Variants in TRPM3 observed in about 807,000 individuals in gnomAD.
TRPM3 encodes long transient receptor potential channel 3.
TRPM3 carries 77 observed loss-of-function variants against 181.2 expected under a neutral mutation model. The observed-to-expected ratio is 0.42, with a 90% confidence interval of 0.35 to 0.51. The LOEUF is 0.51. TRPM3 is among the 20% of genes least tolerant of loss of function. The pLI, the probability that TRPM3 is intolerant of heterozygous loss-of-function variation, is 0.01. For synonymous variants in TRPM3, 745 were observed against 796.4 expected (o/e 0.94, Z 1.09); for missense variants, 1,759 against 2,196.7 (o/e 0.80, Z 3.98).
At chr9:71,348,157 C>A (rs1207156560) in intron 1 of TRPM3, among the ~76,000 whole-genome samples, 1 of 152,142 alleles carries the variant, frequency 6.6e-6, no homozygotes, top group Non-Finnish European at 1.5e-5. Context: ...TTAAAAGTTA[C>A]ACATACACAG....
chr9:71,274,418 C>A (rs778828327), intron 1 of TRPM3, among the ~76,000 whole-genome samples: 3 of 152,178 alleles, frequency 2.0e-5, no homozygotes, highest in Non-Finnish European at 4.4e-5. Flanking sequence ...ATAATTTACA[C>A]ATACCTATTA....
intron 19 of TRPM3, among the ~76,000 whole-genome samples, chr9:70,608,124 T>C (rs1298552161): frequency 6.6e-6 from 1 of 152,220 alleles, no homozygotes; most frequent in East Asian, 1.9e-4. Flanking sequence ...TTTCTGTACC[T>C]CACTTCCGTT....
rs564957400 is a variant in TRPM3 at position 70,538,304 on chromosome 9, T to A, written c.3708-899A>T. 5.3e-5 allele frequency among the ~76,000 whole-genome samples: 8 copies of A among 152,156 alleles called. No individual in the cohort carries two copies. In the East Asian group the frequency reaches 1.3e-3, roughly 26 times the overall value. On this transcript the variant is annotated intron_variant, in intron 25 of 25. Coordinates refer to ENST00000677713, the MANE Select transcript of TRPM3 (RefSeq NM_001366145.2). Reference sequence around the variant, plus strand: ...CTTTTTAAAATTAAATTAAATTAACTTTTTTAGAGATGGGGGGGGTCTCAC... The same window carrying A: ...CTTTTTAAAATTAAATTAAATTAACATTTTTAGAGATGGGGGGGGTCTCAC...
chr9:70,544,564 A>G (rs2044356260), intron 25 of TRPM3, among the ~76,000 whole-genome samples: 1 of 152,152 alleles, frequency 6.6e-6, no homozygotes, highest in African/African-American at 2.4e-5. Context: ...GGAGTCATGC[A>G]GTGGTCCTCT....
intron 1 of TRPM3, among the ~76,000 whole-genome samples, chr9:71,186,696 T>C (rs1480781538): frequency 1.3e-5 from 2 of 152,096 alleles, no homozygotes; most frequent in African/African-American, 2.4e-5. Context: ...TTAGAAACAA[T>C]GTATAGAAAG....
chr9:71,229,813 A>G (rs552837359), intron 1 of TRPM3, among the ~76,000 whole-genome samples: 1 of 152,156 alleles, frequency 6.6e-6, no homozygotes, highest in Non-Finnish European at 1.5e-5. Flanking sequence ...GGAGTACAGG[A>G]AACCCTTGTA....
chr9:71,148,807 A>G (rs931496950), intron 1 of TRPM3, among the ~76,000 whole-genome samples: 1 of 152,200 alleles, frequency 6.6e-6, no homozygotes, highest in Non-Finnish European at 1.5e-5. Flanking sequence ...GGCAGTGGCC[A>G]TTGAAGCCAT....
intron 1 of TRPM3, among the ~76,000 whole-genome samples, chr9:71,300,107 T>C (rs1473180853): frequency 6.6e-6 from 1 of 152,134 alleles, no homozygotes; most frequent in East Asian, 1.9e-4. Context: ...ACTGACACTG[T>C]TCCTTATTTC....
chr9:71,004,518 A>T (rs774589454), intron 1 of TRPM3, among the ~76,000 whole-genome samples: 1 of 152,262 alleles, frequency 6.6e-6, no homozygotes, highest in African/African-American at 2.4e-5. Flanking sequence ...TGGAACAGGC[A>T]AATGGGGGAG....
rs1358622992 is a variant in TRPM3 at position 70,530,995 on chromosome 9, C to G, written c.*4958G>C. On this transcript the variant is annotated 3_prime_UTR_variant, in exon 26 of 26. Coordinates refer to ENST00000677713, the MANE Select transcript of TRPM3 (RefSeq NM_001366145.2). Reference sequence around the variant, plus strand: ...ACACCCAAACACACGCCTCCCACCCCCAAGGTGAAGAAGCCACAAGACAAG... The same window carrying G: ...ACACCCAAACACACGCCTCCCACCCGCAAGGTGAAGAAGCCACAAGACAAG... 1.3e-5 allele frequency: 2 copies of G among 152,206 alleles called. No homozygotes were observed. Among genetic ancestry groups the G allele is most frequent in the East Asian group, 3.9e-4 (2 of 5,192 alleles). The allele number at this position is 152,206 out of a possible 1,614,324, so 9.4% of individuals were successfully genotyped here.
intron 1 of TRPM3, among the ~76,000 whole-genome samples, chr9:71,143,392 A>G (rs1292118795): frequency 6.6e-6 from 1 of 151,944 alleles, no homozygotes; most frequent in Admixed American, 6.6e-5. Context: ...CTACGTGTCC[A>G]TGTGTTTTCA....
At chr9:71,060,958 G>A (rs1456502660) in intron 1 of TRPM3, among the ~76,000 whole-genome samples, 1 of 152,074 alleles carries the variant, frequency 6.6e-6, no homozygotes, top group African/African-American at 2.4e-5. Context: ...TGCTGAGGAG[G>A]AGAAAAGCAG....
intron 1 of TRPM3, among the ~76,000 whole-genome samples, chr9:70,960,709 T>C (rs1047743256): frequency 5.3e-5 from 8 of 152,144 alleles, no homozygotes; most frequent in Admixed American, 5.2e-4. Context: ...GTGGGTACTT[T>C]CTCGTTCTCA....
chr9:71,007,532 A>G (rs998326380), intron 1 of TRPM3, among the ~76,000 whole-genome samples: 3 of 152,198 alleles, frequency 2.0e-5, no homozygotes, highest in African/African-American at 7.2e-5. Flanking sequence ...TTTGCTGACC[A>G]CATGGAATAA....
chr9:71,056,699 G>C (rs1451115260), intron 1 of TRPM3, among the ~76,000 whole-genome samples: 2 of 152,040 alleles, frequency 1.3e-5, no homozygotes, highest in African/African-American at 4.8e-5. Flanking sequence ...AAGACTATAA[G>C]ACATAGAGAG....
intron 1 of TRPM3, among the ~76,000 whole-genome samples, chr9:71,313,867 GA>G (rs1292627369): frequency 2.0e-5 from 3 of 152,098 alleles, no homozygotes; most frequent in African/African-American, 7.2e-5. Context: ...TGAAGCAGAA[GA>G]AAACATCAGC....
chr9:71,399,029 T>C (rs2309901), intron 1 of TRPM3, among the ~76,000 whole-genome samples: 150,661 of 152,256 alleles, frequency 0.99, 74,570 homozygotes, highest in East Asian at 1. Context: ...TTTGACTATA[T>C]CCTTTGTCCC....
At chr9:71,064,165 G>A (rs1465670560) in intron 1 of TRPM3, among the ~76,000 whole-genome samples, 2 of 152,020 alleles carry the variant, frequency 1.3e-5, no homozygotes, top group African/African-American at 2.4e-5. Context: ...ATTCTTTTCG[G>A]TAAATCCTTT....
At chr9:70,541,853 T>C (rs1241697170) in intron 25 of TRPM3, among the ~76,000 whole-genome samples, 1 of 152,110 alleles carries the variant, frequency 6.6e-6, no homozygotes, top group East Asian at 1.9e-4. Flanking sequence ...CTGGGTACAG[T>C]GGCTCACACC....
Sources: gnomAD v4.1 joint callset for allele counts (sites outside exome capture counted in the v4.1 genomes callset) on GRCh38, gnomAD v4.1.1 for gene constraint, MANE v1.5 for transcripts, NCBI Gene and HGNC (gene_info 2026-07-23, HGNC 2026-07-21) for gene names.